Variants in DNAJC25 observed in about 807,000 individuals in gnomAD.
The protein encoded by DNAJC25 is DnaJ heat shock protein family (Hsp40) member C25.
A neutral mutation model predicts 42.1 loss-of-function variants in DNAJC25; 26 were observed. The observed-to-expected ratio is 0.62, with a 90% confidence interval of 0.45 to 0.86. The LOEUF (loss-of-function observed/expected upper bound fraction) is 0.86, where lower values mean the gene tolerates loss of function less well. Among genes scored for constraint, DNAJC25 ranks in the 40% least tolerant of loss-of-function variants. The pLI is 0.00. For missense variants in DNAJC25, 404 were observed against 459.4 expected, an observed-to-expected ratio of 0.88 and a Z score of 1.10; for synonymous variants, 189 against 179.9, an observed-to-expected ratio of 1.05 and a Z score of -0.40.
At position 111,647,155 on chromosome 9, in the gene DNAJC25, G is replaced by C. The variant is rs1366006325; in HGVS notation, c.385G>C (p.Glu129Gln). 1 of 1,614,162 alleles carries C rather than the reference G, an allele frequency of 6.2e-7. No homozygotes were observed. Among genetic ancestry groups the C allele is most frequent in the Non-Finnish European group, 8.5e-7 (1 of 1,180,022 alleles). Residue 129 changes from glutamate (E) to glutamine (Q), a missense_variant, in exon 2 of 4, where the codon GAG becomes CAG. Glu to Gln is a conservative substitution (Grantham distance 29). Transcript: ENST00000313525. ...TGATTACATGCTGGATCATCCAGAAGAGTACTACAGCCATTACTACCACTA... is the reference window on the plus strand; with the variant it reads ...TGATTACATGCTGGATCATCCAGAACAGTACTACAGCCATTACTACCACTA... ...DYDYMLDHPE[E>Q]YYSHYYHYYS...
rs966328644 is a variant in DNAJC25, at chr9:111,649,998, A to G, written c.960+75A>G. 3 of 1,322,020 alleles carry G rather than the reference A, an allele frequency of 2.3e-6. No homozygotes were observed. The South Asian group carries it at 5.0e-5, about 22-fold the overall frequency. The allele number at this position is 1,322,020 out of a possible 1,614,324, so 81.9% of individuals were successfully genotyped here. A position where few individuals can be genotyped will look rare whatever the true frequency, so the allele number is the denominator to read the frequency against. On this transcript the variant is annotated intron_variant, in intron 3 of 3. Coordinates refer to ENST00000313525, the MANE Select transcript of DNAJC25 (RefSeq NM_001015882.3). ...AAAATCAGGTGTATTATAATGAGGG[A>G]TCACAGAAGTGTGCTCACATTTCTG...
chr9:111,637,425 G>T (rs1169115563), intron 1 of DNAJC25, among the ~76,000 whole-genome samples: 1 of 152,082 alleles, frequency 6.6e-6, no homozygotes, highest in Non-Finnish European at 1.5e-5. Flanking sequence ...AGGGCAAAAA[G>T]GTATTCTTGA....
intron 3 of DNAJC25, among the ~76,000 whole-genome samples, chr9:111,651,751 G>C (rs143724567): frequency 2.6e-5 from 4 of 151,522 alleles, no homozygotes; most frequent in African/African-American, 4.9e-5. Context: ...TTAACTGGGC[G>C]TGGTGGTGCC....
intron 1 of DNAJC25, among the ~76,000 whole-genome samples, chr9:111,633,159 C>T (rs1332501525): frequency 1.3e-5 from 2 of 152,294 alleles, no homozygotes; most frequent in Middle Eastern, 3.4e-3. Context: ...AACCTCTGTT[C>T]CTTGTAGTCA....
At chr9:111,647,027 C>A (rs1830576255) in intron 1 of DNAJC25, 80 bp from the exon 2 acceptor site, 1 of 1,385,966 alleles carries the variant, frequency 7.2e-7, no homozygotes, top group African/African-American at 1.5e-5. Flanking sequence ...TTATAAAATT[C>A]TATATGTGAT....
chr9:111,648,460 C>T (rs1008747186), intron 2 of DNAJC25, among the ~76,000 whole-genome samples: 10 of 151,492 alleles, frequency 6.6e-5, no homozygotes, highest in Middle Eastern at 3.4e-3. Flanking sequence ...GGTAGAGACA[C>T]GGTTTTGCCG....
intron 1 of DNAJC25, among the ~76,000 whole-genome samples, chr9:111,637,696 G>GGACA (rs1830384122): frequency 6.6e-6 from 1 of 152,160 alleles, no homozygotes. Context: ...TTCTTGTTGA[G>GGACA]GTGAACAGTG....
rs749421759 is a variant in DNAJC25, at chr9:111,644,379, T to C, written c.337-2728T>C. Among the ~76,000 whole-genome samples, 221 of 152,282 alleles carry C rather than the reference T, an allele frequency of 1.5e-3. 1 individual carries two copies. Among genetic ancestry groups the C allele is most frequent in the Non-Finnish European group, 5.4e-4 (37 of 68,032 alleles). On this transcript the variant is annotated intron_variant, in intron 1 of 3. Coordinates refer to ENST00000313525, the MANE Select transcript of DNAJC25 (RefSeq NM_001015882.3). ...CATTGTGTTAAAGGAATTCAGGACTTGGTAAAGTCAATAATCTAGAAACCA... is the reference window on the plus strand; with the variant it reads ...CATTGTGTTAAAGGAATTCAGGACTCGGTAAAGTCAATAATCTAGAAACCA...
At chr9:111,648,470 G>A (rs117008463) in intron 2 of DNAJC25, among the ~76,000 whole-genome samples, 5,789 of 151,120 alleles carry the variant, frequency 0.038, 185 homozygotes, top group South Asian at 0.084. Context: ...CGGTTTTGCC[G>A]TGTTGCCCAG....
chr9:111,638,978 A>G (rs1830403876), intron 1 of DNAJC25, among the ~76,000 whole-genome samples: 1 of 151,984 alleles, frequency 6.6e-6, no homozygotes, highest in African/African-American at 2.4e-5. Context: ...TGAATCCATG[A>G]TATTTTTTGA....
chr9:111,631,873 A>G (rs1830287116), intron 1 of DNAJC25, 130 bp downstream of exon 1: 2 of 1,385,062 alleles, frequency 1.4e-6, no homozygotes, highest in South Asian at 1.6e-5. Flanking sequence ...CGCGACCTTT[A>G]AGATACTCAC....
intron 3 of DNAJC25, among the ~76,000 whole-genome samples, chr9:111,652,236 G>A (rs1830671562): frequency 6.6e-6 from 1 of 152,036 alleles, no homozygotes; most frequent in African/African-American, 2.4e-5. Flanking sequence ...TAGGCAGGGT[G>A]CAGTGGCTCA....
chr9:111,638,318 C>T (rs1830394464), intron 1 of DNAJC25, among the ~76,000 whole-genome samples: 1 of 152,096 alleles, frequency 6.6e-6, no homozygotes, highest in Admixed American at 6.5e-5. Context: ...TGGAAAATAC[C>T]TACCAAGCAA....
chr9:111,641,508 C>T (rs1248280585), intron 1 of DNAJC25, among the ~76,000 whole-genome samples: 2 of 86,208 alleles, frequency 2.3e-5, no homozygotes, highest in Admixed American at 1.2e-4. Context: ...CCCGGCCAGC[C>T]GCCCGGTCCG....
chr9:111,651,685 G>A (rs772529251), intron 3 of DNAJC25, among the ~76,000 whole-genome samples: 3 of 151,814 alleles, frequency 2.0e-5, no homozygotes, highest in African/African-American at 2.4e-5. Flanking sequence ...TCAGGAGTTC[G>A]AGACCAGCCT....
intron 3 of DNAJC25, 124 bp downstream of exon 3, chr9:111,650,047 T>G: frequency 1.1e-6 from 1 of 887,414 alleles, no homozygotes; most frequent in Non-Finnish European, 1.6e-6. Flanking sequence ...AAACAATTAG[T>G]AAAGACCTTT....
chr9:111,638,718 G>A (rs1570303), intron 1 of DNAJC25, among the ~76,000 whole-genome samples: 24,237 of 151,770 alleles, frequency 0.16, 2,235 homozygotes, highest in East Asian at 0.42. Context: ...TTTCTTAGCT[G>A]CTAAAATCTG....
intron 1 of DNAJC25, among the ~76,000 whole-genome samples, chr9:111,642,654 G>A (rs76494331): frequency 0.059 from 7,503 of 127,954 alleles, 307 homozygotes; most frequent in South Asian, 0.17. Context: ...AAAAATAAAT[G>A]TAAAACTAGC....
intron 1 of DNAJC25, among the ~76,000 whole-genome samples, chr9:111,639,928 C>CTCTCCCTCTCCG (rs1289142402): frequency 4.2e-5 from 5 of 119,950 alleles, no homozygotes; most frequent in African/African-American, 1.1e-4. Context: ...CTCCCTCTCC[C>CTCTCCCTCTCCG]TCTCCGTCTC....
Sources: gnomAD v4.1 joint callset for allele counts (sites outside exome capture counted in the v4.1 genomes callset) on GRCh38, gnomAD v4.1.1 for gene constraint, MANE v1.5 for transcripts, NCBI Gene and HGNC (gene_info 2026-07-23, HGNC 2026-07-21) for gene names.